The following VAX2 variants were observed in gnomAD, a reference collection of about 807,000 sequenced individuals.
VAX2 encodes ventral anterior homeobox 2.
A neutral mutation model predicts 12.5 loss-of-function variants in VAX2; 8 were observed. The ratio of observed to expected loss-of-function variants is 0.64; its 90% confidence interval spans 0.37 to 1.15. The LOEUF (loss-of-function observed/expected upper bound fraction) is 1.15, where lower values mean the gene tolerates loss of function less well. Among genes scored for constraint, VAX2 ranks in the 50% most tolerant of loss-of-function variants. VAX2 has a pLI of 0.01. For missense variants in VAX2, 476 were observed against 412.9 expected, an observed-to-expected ratio of 1.15 and a Z score of -1.32; for synonymous variants, 183 against 187.6, an observed-to-expected ratio of 0.98 and a Z score of 0.20.
chr2:70,925,297 G>C (rs1163122400), intron 2 of VAX2, among the ~76,000 whole-genome samples: 1 of 152,202 alleles, frequency 6.6e-6, no homozygotes, highest in African/African-American at 2.4e-5. Flanking sequence ...CTACTGACAT[G>C]GGTCCTGAAC....
At chr2:70,917,151 C>A (rs1344371955) in intron 1 of VAX2, among the ~76,000 whole-genome samples, 34 of 82,636 alleles carry the variant, frequency 4.1e-4, no homozygotes, top group Admixed American at 7.7e-4. Context: ...AACTCTGTCT[C>A]AAAAAAAAAA....
chr2:70,909,406 T>G (rs1466682451), intron 1 of VAX2, among the ~76,000 whole-genome samples: 1 of 152,024 alleles, frequency 6.6e-6, no homozygotes, highest in Non-Finnish European at 1.5e-5. Context: ...TTCACCATAT[T>G]GAGGAGGCCA....
Position 70,932,748 on chromosome 2 carries a change from C to A in VAX2, c.436-19C>A, listed in dbSNP as rs1553414509. 2.7e-6 allele frequency: 4 copies of A among 1,481,166 alleles called. No homozygotes were observed. The highest frequency in any genetic ancestry group is 3.6e-6 in the Non-Finnish European group (4 of 1,106,304). 91.8% of individuals were successfully genotyped at this position (1,481,166 alleles called of 1,614,324 possible). A position where few individuals can be genotyped will look rare whatever the true frequency, so the allele number is the denominator to read the frequency against. Reference sequence around the variant, plus strand: ...GCCTGTCCCATCTCCCTCCTTGACACCCCCTCCCCCACCCCAAGGTGAAGG... The same window carrying A: ...GCCTGTCCCATCTCCCTCCTTGACAACCCCTCCCCCACCCCAAGGTGAAGG... On this transcript the variant is annotated intron_variant, in intron 2 of 2. Transcript: ENST00000234392.
chr2:70,927,610 T>C (rs1293375844), intron 2 of VAX2, among the ~76,000 whole-genome samples: 1 of 151,534 alleles, frequency 6.6e-6, no homozygotes, highest in African/African-American at 2.4e-5. Context: ...AGATCAACAA[T>C]GAATCCTGGA....
intron 1 of VAX2, among the ~76,000 whole-genome samples, chr2:70,920,299 G>C (rs1679423667): frequency 1.3e-5 from 2 of 152,168 alleles, no homozygotes; most frequent in African/African-American, 2.4e-5. Flanking sequence ...CTCCACCCCT[G>C]TAGTTAAATG....
intron 1 of VAX2, among the ~76,000 whole-genome samples, chr2:70,905,186 C>G (rs1553410421): frequency 6.6e-6 from 1 of 152,136 alleles, no homozygotes; most frequent in African/African-American, 2.4e-5. Flanking sequence ...GTCTCAATAT[C>G]TGAGTCTGTT....
rs1679010985 is a variant in VAX2 at position 70,904,750 on chromosome 2, G to A, written c.247+3882G>A. 6.6e-6 allele frequency among the ~76,000 whole-genome samples: 1 copy of A among 152,244 alleles called. No homozygotes were observed. The highest frequency in any genetic ancestry group is 1.9e-4 in the East Asian group (1 of 5,190). ...CTGCATGGATGCGCGGATGGCTGGG[G>A]GCTGAGGGGACGCGTGAAGCCCAGG... On this transcript the variant is annotated intron_variant, in intron 1 of 2. Transcript: ENST00000234392. This position sits in a 1 kb window ranked among gnomAD's most constrained non-coding sequence, Gnocchi z 4.2.
At chr2:70,919,680 C>T (rs1273562769) in intron 1 of VAX2, among the ~76,000 whole-genome samples, 1 of 151,776 alleles carries the variant, frequency 6.6e-6, no homozygotes, top group Admixed American at 6.6e-5. Flanking sequence ...CTATGCCCCC[C>T]GTCTCTACAA....
At chr2:70,920,884 A>G (rs1553412738) in intron 1 of VAX2, among the ~76,000 whole-genome samples, 1 of 152,056 alleles carries the variant, frequency 6.6e-6, no homozygotes, top group South Asian at 2.1e-4. Flanking sequence ...AGGCCTATTC[A>G]CATACATTTA....
At chr2:70,915,066 G>A (rs1231784914) in intron 1 of VAX2, among the ~76,000 whole-genome samples, 1 of 152,032 alleles carries the variant, frequency 6.6e-6, no homozygotes, top group Non-Finnish European at 1.5e-5. Flanking sequence ...CTCCCAAAGT[G>A]CTGGGATTAC....
rs572607753 is a variant in VAX2, at chr2:70,933,033, G to T, written c.702G>T (p.Ser234=). 6.3e-6 allele frequency: 10 copies of T among 1,598,126 alleles called. No individual in the cohort carries two copies. The East Asian group carries it at 2.0e-4, about 32-fold the overall frequency. Residue 234 remains serine, a synonymous_variant, in exon 3 of 3, where the codon TCG becomes TCT. Transcript: ENST00000234392. The stretch of plus-strand genomic sequence containing the variant: ...CCCCACGCCTCAACCCGCTGTCCTC[G>T]GCCTCAGCGTCCCCCCCACTGCCGC... The part of the protein sequence containing the change: ...NSSPRLNPLS[S]ASASPPLPPP...
chr2:70,907,260 T>A (rs1292912549), intron 1 of VAX2, among the ~76,000 whole-genome samples: 2 of 152,202 alleles, frequency 1.3e-5, no homozygotes, highest in Non-Finnish European at 2.9e-5. Context: ...AAAACCCTCA[T>A]ATATGTGGCG....
In VAX2 at chr2:70,900,690, G is replaced by C; in HGVS notation, c.69G>C (p.Gly23=). 7.5e-7 allele frequency: 1 copy of C among 1,325,624 alleles called. No homozygotes were observed. Among genetic ancestry groups the C allele is most frequent in the Non-Finnish European group, 9.6e-7 (1 of 1,036,940 alleles). The allele number at this position is 1,325,624 out of a possible 1,614,324, so 82.1% of individuals were successfully genotyped here. A position where few individuals can be genotyped will look rare whatever the true frequency, so the allele number is the denominator to read the frequency against. Residue 23 remains glycine (G), a synonymous_variant, in exon 1 of 3, where the codon GGG becomes GGC. Transcript: ENST00000234392. The part of the protein sequence containing the change: ...ARRAESGGGG[G]RCGDRSGAGD... ...GGGCGGAGTCTGGTGGCGGCGGTGG[G>C]CGCTGCGGAGACCGCAGCGGAGCGG...
chr2:70,932,480 G>T (rs1241528388), intron 2 of VAX2, among the ~76,000 whole-genome samples: 1 of 152,144 alleles, frequency 6.6e-6, no homozygotes, highest in East Asian at 1.9e-4. Context: ...TCTGTCTGTC[G>T]ATCCATTCCT....
chr2:70,902,469 C>T (rs1553409914), intron 1 of VAX2, among the ~76,000 whole-genome samples: 1 of 152,174 alleles, frequency 6.6e-6, no homozygotes, highest in Non-Finnish European at 1.5e-5. Flanking sequence ...CTTTTGGTTC[C>T]ATTAAAAATA....
At chr2:70,910,861 T>A (rs1232398627) in intron 1 of VAX2, among the ~76,000 whole-genome samples, 1 of 151,320 alleles carries the variant, frequency 6.6e-6, no homozygotes, top group Non-Finnish European at 1.5e-5. Flanking sequence ...TTTTTTTTTT[T>A]TCTAAACTGA....
chr2:70,917,443 A>G (rs1679334888), intron 1 of VAX2, among the ~76,000 whole-genome samples: 1 of 152,104 alleles, frequency 6.6e-6, no homozygotes, highest in Non-Finnish European at 1.5e-5. Flanking sequence ...TCTTTAAGAA[A>G]CTGCCTGGCT....
intron 1 of VAX2, among the ~76,000 whole-genome samples, chr2:70,913,343 C>T (rs1181721860): frequency 5.3e-5 from 8 of 152,204 alleles, no homozygotes; most frequent in African/African-American, 9.7e-5. Context: ...TCCCAACACT[C>T]GTCTTTGCCT....
chr2:70,924,097 G>T (rs182075370), intron 2 of VAX2, among the ~76,000 whole-genome samples: 2 of 152,242 alleles, frequency 1.3e-5, no homozygotes, highest in East Asian at 3.9e-4. Context: ...GGAGGTCAAG[G>T]CTACAGTGAG....
Sources: allele counts gnomAD v4.1 joint callset (sites outside exome capture counted in the v4.1 genomes callset), GRCh38; gene constraint gnomAD v4.1.1; non-coding constraint Gnocchi (gnomAD v3.1); transcripts MANE v1.5; gene names NCBI Gene and HGNC (gene_info 2026-07-23, HGNC 2026-07-21).